The following XRCC4 variants were observed in gnomAD, a reference collection of about 807,000 sequenced individuals.
XRCC4 encodes DNA repair protein XRCC4.
A neutral mutation model predicts 39.1 loss-of-function variants in XRCC4; 28 were observed. That is an observed-to-expected ratio of 0.72 (90% CI 0.53 to 0.98). The LOEUF (loss-of-function observed/expected upper bound fraction) is 0.98. XRCC4 is among the 50% of genes least tolerant of loss of function. The pLI is 0.00. For synonymous variants in XRCC4, 123 were observed against 126.4 expected, an observed-to-expected ratio of 0.97 and a Z score of 0.18; for missense variants, 350 against 376.4, an observed-to-expected ratio of 0.93 and a Z score of 0.58.
At chr5:83,251,209 G>A (rs373347420) in intron 6 of XRCC4, among the ~76,000 whole-genome samples, 9 of 152,112 alleles carry the variant, frequency 5.9e-5, no homozygotes, top group Admixed American at 2.0e-4. Flanking sequence ...GAATTCCTTT[G>A]GTAGTAAAGT....
intron 3 of XRCC4, among the ~76,000 whole-genome samples, chr5:83,173,105 T>C (rs748293493): frequency 3.3e-5 from 5 of 152,176 alleles, no homozygotes; most frequent in Non-Finnish European, 7.4e-5. Flanking sequence ...GTCATTCTTA[T>C]TTTCTTTACA....
the XRCC4 span, among the ~76,000 whole-genome samples, chr5:83,364,660 C>CCAT: frequency 6.6e-6 from 1 of 152,166 alleles, no homozygotes; most frequent in African/African-American, 2.4e-5. Flanking sequence ...TTGGGGTCAC[C>CCAT]CATCAGTCCT....
intron 7 of XRCC4, among the ~76,000 whole-genome samples, chr5:83,303,869 G>A (rs1755384382): frequency 6.6e-6 from 1 of 152,134 alleles, no homozygotes; most frequent in Non-Finnish European, 1.5e-5. Context: ...ATTTGTAGAT[G>A]CATGGCAAAT....
intron 7 of XRCC4, among the ~76,000 whole-genome samples, chr5:83,320,551 A>G (rs966578285): frequency 2.6e-5 from 4 of 152,046 alleles, no homozygotes; most frequent in East Asian, 1.9e-4. Flanking sequence ...TGAGGAAAAA[A>G]TGCTGTCAAA....
chr5:83,108,451 A>G (rs771301180), intron 2 of XRCC4, among the ~76,000 whole-genome samples: 2 of 151,906 alleles, frequency 1.3e-5, no homozygotes, highest in East Asian at 1.9e-4. Flanking sequence ...TCAGCACAGT[A>G]TTTATTAGGA....
chr5:83,095,086 C>T (rs1036176126), intron 1 of XRCC4, among the ~76,000 whole-genome samples: 1 of 152,102 alleles, frequency 6.6e-6, no homozygotes, highest in Admixed American at 6.5e-5. Context: ...TAGAACTTTA[C>T]TATTTATTCT....
chr5:83,259,469 C>A (rs1042321431), intron 7 of XRCC4: 1 of 151,942 alleles, frequency 6.6e-6, no homozygotes, highest in African/African-American at 2.4e-5. Flanking sequence ...TTGTAGGGGT[C>A]CATAAGGTCG....
intron 1 of XRCC4, among the ~76,000 whole-genome samples, chr5:83,097,830 A>G (rs1021762283): frequency 2.0e-5 from 3 of 152,276 alleles, no homozygotes; most frequent in East Asian, 1.9e-4. Flanking sequence ...TTCCAAAATG[A>G]TAAGTGTACT....
intron 4 of XRCC4, chr5:83,202,051 A>G (rs1751224054): frequency 6.6e-6 from 1 of 151,744 alleles, no homozygotes; most frequent in African/African-American, 2.4e-5. Flanking sequence ...TCAAAAAAAA[A>G]AAAAACAAAA....
chr5:83,127,709 C>A (rs996185854), intron 3 of XRCC4, among the ~76,000 whole-genome samples: 6 of 152,010 alleles, frequency 3.9e-5, no homozygotes, highest in Non-Finnish European at 8.8e-5. Context: ...CATATAGATC[C>A]AGATTTCCAT....
chr5:83,176,352 A>C (rs1189186472), intron 3 of XRCC4, among the ~76,000 whole-genome samples: 1 of 152,144 alleles, frequency 6.6e-6, no homozygotes, highest in Admixed American at 6.6e-5. Flanking sequence ...ATTTTAGTGA[A>C]AATTGTTGTG....
downstream of XRCC4, among the ~76,000 whole-genome samples, chr5:83,356,442 A>C (rs1224275043): frequency 3.9e-5 from 6 of 152,184 alleles, no homozygotes; most frequent in Non-Finnish European, 8.8e-5. Context: ...AGTAATAATA[A>C]CAAGTCTATA....
At chr5:83,366,211 GC>G in the XRCC4 span, among the ~76,000 whole-genome samples, 3 of 152,108 alleles carry the variant, frequency 2.0e-5, no homozygotes, top group African/African-American at 7.2e-5. Flanking sequence ...ACTGAACTGT[GC>G]TATAGGCACA....
chr5:83,077,858 G>C (rs1439699621), intron 1 of XRCC4: 1 of 156,564 alleles, frequency 6.4e-6, no homozygotes, highest in Admixed American at 6.3e-5. Flanking sequence ...TTCTCCGTTT[G>C]CATCTGAGGG....
chr5:83,168,594 A>G (rs1343034749), intron 3 of XRCC4, among the ~76,000 whole-genome samples: 1 of 152,190 alleles, frequency 6.6e-6, no homozygotes, highest in East Asian at 1.9e-4. Context: ...TGCATACTAA[A>G]ACATGACAAA....
chr5:83,332,019 TTC>T lies in XRCC4; in HGVS notation c.894-21111_894-21110del, dbSNP rs1422072867. On this transcript the variant is annotated intron_variant, in intron 7 of 7. Transcript: ENST00000396027. ...TGATGTGTAATTACGTTTTCAGTGA[TTC>T]ATCTGTGAAACACCCTGGGTTATTT... Among the ~76,000 whole-genome samples, 3 of 152,094 alleles carry T rather than the reference TTC, an allele frequency of 2.0e-5. No individual in the cohort carries two copies. In the East Asian group the frequency reaches 5.8e-4, roughly 29 times the overall value.
chr5:83,276,061 G>T (rs35273), intron 7 of XRCC4, among the ~76,000 whole-genome samples: 265 of 152,162 alleles, frequency 1.7e-3, no homozygotes, highest in Non-Finnish European at 3.0e-3. Flanking sequence ...AGGATTTTTT[G>T]ACTTTATGAT....
At chr5:83,371,384 C>G in the XRCC4 span, among the ~76,000 whole-genome samples, 1 of 152,180 alleles carries the variant, frequency 6.6e-6, no homozygotes, top group Non-Finnish European at 1.5e-5. Context: ...GACAAGAACC[C>G]AGTCTTTCTT....
the XRCC4 span, among the ~76,000 whole-genome samples, chr5:83,369,572 A>T: frequency 5.3e-5 from 8 of 152,152 alleles, no homozygotes; most frequent in African/African-American, 1.7e-4. Flanking sequence ...GCTGCAAAGA[A>T]CCTGATTTCA....
Sources: gnomAD v4.1 joint callset for allele counts (sites outside exome capture counted in the v4.1 genomes callset) on GRCh38, gnomAD v4.1.1 for gene constraint, MANE v1.5 for transcripts, NCBI Gene and HGNC (gene_info 2026-07-23, HGNC 2026-07-21) for gene names.